The following NEGR1 variants were observed in gnomAD, a reference collection of about 807,000 sequenced individuals.
NEGR1 encodes the protein neuronal growth regulator 1.
Under a neutral mutation model 40.9 loss-of-function variants are expected in NEGR1, and 10 were observed. The observed-to-expected ratio is 0.24, with a 90% CI of 0.15 to 0.42. NEGR1 has a LOEUF of 0.42. NEGR1 is among the 10% of genes least tolerant of loss of function. The probability of loss-of-function intolerance (pLI) is 1.00; values close to 1 mark genes in which losing one functional copy is unlikely to be tolerated. For synonymous variants in NEGR1, 185 were observed against 166.8 expected, an observed-to-expected ratio of 1.11 and a Z score of -0.84; for missense variants, 352 against 438.9, an observed-to-expected ratio of 0.80 and a Z score of 1.77.
At chr1:71,944,974 G>T (rs972160569) in intron 1 of NEGR1, among the ~76,000 whole-genome samples, 1 of 151,812 alleles carries the variant, frequency 6.6e-6, no homozygotes, top group African/African-American at 2.4e-5. Flanking sequence ...TACCCAAGAA[G>T]AAAAAAATTA....
intron 6 of NEGR1, among the ~76,000 whole-genome samples, chr1:71,424,193 A>C (rs1452576271): frequency 6.6e-6 from 1 of 152,200 alleles, no homozygotes; most frequent in Non-Finnish European, 1.5e-5. Flanking sequence ...TCATAGACAT[A>C]AGGTTAAGTG....
intron 2 of NEGR1, among the ~76,000 whole-genome samples, chr1:71,854,727 C>T (rs376992056): frequency 7.2e-5 from 11 of 152,090 alleles, no homozygotes; most frequent in African/African-American, 2.4e-4. Flanking sequence ...GAGAGAGAAT[C>T]GGCGCTGAGC....
chr1:71,560,525 T>C (rs1648420912), intron 6 of NEGR1, among the ~76,000 whole-genome samples: 1 of 149,236 alleles, frequency 6.7e-6, no homozygotes, highest in African/African-American at 2.4e-5. Context: ...ATACTAGAAC[T>C]CTGAGATGCA....
At chr1:72,001,178 T>C (rs1027098603) in intron 1 of NEGR1, among the ~76,000 whole-genome samples, 13 of 152,050 alleles carry the variant, frequency 8.5e-5, no homozygotes, top group African/African-American at 3.1e-4. Flanking sequence ...TATAAAAGCT[T>C]CTGTATTCAA....
chr1:71,834,352 A>C (rs558595432), intron 2 of NEGR1, among the ~76,000 whole-genome samples: 1 of 152,160 alleles, frequency 6.6e-6, no homozygotes, highest in South Asian at 2.1e-4. Context: ...CAATGAACTG[A>C]GTAAAATAAA....
At chr1:71,936,401 G>T (rs531952236) in intron 1 of NEGR1, among the ~76,000 whole-genome samples, 32 of 152,106 alleles carry the variant, frequency 2.1e-4, no homozygotes, top group Non-Finnish European at 4.0e-4. Flanking sequence ...AGACACAAGA[G>T]CAAACCAATT....
intron 6 of NEGR1, among the ~76,000 whole-genome samples, chr1:71,425,605 C>A (rs545771911): frequency 5.8e-4 from 88 of 152,016 alleles, no homozygotes; most frequent in Non-Finnish European, 1.1e-3. Context: ...ATATAGAGTA[C>A]AGTAAGAAAG....
intron 1 of NEGR1, among the ~76,000 whole-genome samples, chr1:72,237,086 A>G (rs1654573379): frequency 1.3e-5 from 2 of 151,952 alleles, no homozygotes; most frequent in African/African-American, 2.4e-5. Context: ...ATTTTTAAAA[A>G]TATGTTCACA....
chr1:71,718,681 T>G (rs906652448), intron 3 of NEGR1, among the ~76,000 whole-genome samples: 1 of 152,188 alleles, frequency 6.6e-6, no homozygotes, highest in Admixed American at 6.5e-5. Flanking sequence ...CAAATAGCAC[T>G]GAAAGTATCA....
At chr1:71,946,302 GT>G (rs200695822) in intron 1 of NEGR1, among the ~76,000 whole-genome samples, 2 of 151,632 alleles carry the variant, frequency 1.3e-5, no homozygotes, top group East Asian at 1.9e-4. Flanking sequence ...CTCAACCTCA[GT>G]TTTTTTTCTT....
At chr1:71,635,219 C>G (rs1449749399) in intron 4 of NEGR1, among the ~76,000 whole-genome samples, 1 of 152,004 alleles carries the variant, frequency 6.6e-6, no homozygotes, top group Non-Finnish European at 1.5e-5. Flanking sequence ...AAGGGAGATA[C>G]ACATTAATTA....
intron 4 of NEGR1, 41 bp downstream of exon 4, chr1:71,697,967 T>G (rs2101628775): frequency 1.3e-6 from 2 of 1,574,192 alleles, no homozygotes; most frequent in Non-Finnish European, 8.6e-7. Flanking sequence ...GTGTTTTATC[T>G]TTTCTCAGAA....
intron 1 of NEGR1, among the ~76,000 whole-genome samples, chr1:71,974,298 C>T (rs954002495): frequency 6.6e-6 from 1 of 152,050 alleles, no homozygotes; most frequent in African/African-American, 2.4e-5. Flanking sequence ...TCAGCCAAAT[C>T]AGATTAGGTT....
At chr1:72,071,860 C>A (rs188453970) in intron 1 of NEGR1, among the ~76,000 whole-genome samples, 333 of 152,222 alleles carry the variant, frequency 2.2e-3, no homozygotes, top group African/African-American at 7.7e-3. Context: ...TTCTCTCCCC[C>A]AGTATTCCTC....
chr1:72,050,914 TG>T (rs1647053909), intron 1 of NEGR1, among the ~76,000 whole-genome samples: 1 of 151,494 alleles, frequency 6.6e-6, no homozygotes, highest in Non-Finnish European at 1.5e-5. Context: ...AGTGCCAATT[TG>T]CCTGCCAAAT....
chr1:72,059,894 G>A (rs1024052904), intron 1 of NEGR1, among the ~76,000 whole-genome samples: 1 of 151,394 alleles, frequency 6.6e-6, no homozygotes, highest in Admixed American at 6.6e-5. Context: ...GTAACATTTG[G>A]AAAACAAAGG....
At chr1:71,637,784 T>C (rs1344931174) in intron 4 of NEGR1, among the ~76,000 whole-genome samples, 1 of 151,920 alleles carries the variant, frequency 6.6e-6, no homozygotes, top group Non-Finnish European at 1.5e-5. Context: ...GCGGTAGGCA[T>C]GGAGAAGGCA....
chr1:72,265,235 G>A (rs980157839), intron 1 of NEGR1, among the ~76,000 whole-genome samples: 1 of 150,808 alleles, frequency 6.6e-6, no homozygotes, highest in African/African-American at 2.4e-5. Context: ...CCTATCTGAT[G>A]ATGCCAAATG....
intron 1 of NEGR1, among the ~76,000 whole-genome samples, chr1:72,121,203 A>C (rs1649793165): frequency 6.6e-6 from 1 of 152,026 alleles, no homozygotes; most frequent in Non-Finnish European, 1.5e-5. Context: ...ACACACCCCA[A>C]AGCCAAAGTC....
Sources: allele counts gnomAD v4.1 joint callset (sites outside exome capture counted in the v4.1 genomes callset), GRCh38; gene constraint gnomAD v4.1.1; transcripts MANE v1.5; gene names NCBI Gene and HGNC (gene_info 2026-07-23, HGNC 2026-07-21).